The following CLASRP variants were observed in gnomAD, a reference collection of about 807,000 sequenced individuals.
The protein encoded by CLASRP is CLK4-associating serine/arginine rich protein.
Under a neutral mutation model 99.9 loss-of-function variants are expected in CLASRP, and 52 were observed. That is an observed-to-expected ratio of 0.52 (90% confidence interval 0.42 to 0.66). The LOEUF (loss-of-function observed/expected upper bound fraction) is 0.66. CLASRP is among the 30% of genes least tolerant of loss of function. CLASRP has a pLI of 0.00. For synonymous variants in CLASRP, 379 were observed against 373.0 expected (o/e 1.02, Z -0.18); for missense variants, 848 against 999.2 (o/e 0.85, Z 2.04).
chr19:45,054,266 T>C lies in CLASRP; in HGVS notation c.379+1089T>C, dbSNP rs1972080473. 2.0e-5 allele frequency among the ~76,000 whole-genome samples: 3 copies of C among 152,172 alleles called. No individual in the cohort carries two copies. In the South Asian group the frequency reaches 6.2e-4, roughly 31 times the overall value. The stretch of plus-strand genomic sequence containing the variant: ...CCCGTTTTGGGGTTTTTTGTTTTTT[T>C]TGAGATTGAGTCTTACTCTGTTGCC... On this transcript the variant is annotated intron_variant, in intron 5 of 20. Transcript: ENST00000221455.
At chr19:45,054,616 G>A (rs752796664) in intron 5 of CLASRP, among the ~76,000 whole-genome samples, 1 of 152,316 alleles carries the variant, frequency 6.6e-6, no homozygotes, top group Middle Eastern at 3.4e-3. Flanking sequence ...GATTCTCCAC[G>A]TGTCCTTAAC....
intron 2 of CLASRP, among the ~76,000 whole-genome samples, chr19:45,046,497 TC>T (rs1339375691): frequency 6.6e-6 from 1 of 152,170 alleles, no homozygotes; most frequent in African/African-American, 2.4e-5. Context: ...GGTCAGGTGT[TC>T]CCCCTGTGGG....
At chr19:45,041,541 T>C (rs1400633038) in intron 2 of CLASRP, among the ~76,000 whole-genome samples, 2 of 152,228 alleles carry the variant, frequency 1.3e-5, no homozygotes, top group African/African-American at 4.8e-5. Context: ...ATGACATTTA[T>C]ATAGACCTTT....
Position 45,064,567 on chromosome 19 carries a change from A to G in CLASRP, c.1346A>G (p.Asp449Gly). 2 of 1,540,458 alleles carry G rather than the reference A, an allele frequency of 1.3e-6. No homozygotes were observed. The highest frequency in any genetic ancestry group is 2.4e-5 in the East Asian group (1 of 41,024). The change falls in exon 13 of 21, where the codon GAC becomes GGC. Residue 449 changes from aspartate (D) to glycine (G), a missense_variant. Physicochemically the swap from Asp to Gly is moderately conservative, Grantham distance 94 (BLOSUM62 -1). Around this residue, in one of 8 missense-constraint regions of CLASRP, gnomAD observed 489 missense variants for 434.7 expected, o/e 1.12. Transcript: ENST00000221455. Reference protein sequence around the residue: ...GRRHSGGGSRDGHRYSRSPAR... With the variant: ...GRRHSGGGSRGGHRYSRSPAR... ...CGGCACTCAGGTGGGGGCTCCCGAG[A>G]CGGACACCGGTACTCCCGCTCGCCC...
intron 13 of CLASRP, 26 bp downstream of exon 13, chr19:45,064,656 G>A (rs1274243401): frequency 6.5e-7 from 1 of 1,527,482 alleles, no homozygotes; most frequent in Non-Finnish European, 8.8e-7. Context: ...CGTGGAGGTG[G>A]GAGGGGCTGG....
At chr19:45,065,382 C>A (rs1232476709) in intron 13 of CLASRP, among the ~76,000 whole-genome samples, 1 of 138,272 alleles carries the variant, frequency 7.2e-6, no homozygotes, top group African/African-American at 2.8e-5. Flanking sequence ...GAGTGAGATT[C>A]CGTCTCAAAA....
chr19:45,068,795 G>A (rs530711106), intron 16 of CLASRP, among the ~76,000 whole-genome samples: 4 of 151,938 alleles, frequency 2.6e-5, no homozygotes, highest in Non-Finnish European at 4.4e-5. Flanking sequence ...TCAGGAGATC[G>A]AGACCATTAA....
intron 2 of CLASRP, among the ~76,000 whole-genome samples, chr19:45,042,970 G>GAAAGTTTCACATA: frequency 6.6e-6 from 1 of 152,110 alleles, no homozygotes; most frequent in Middle Eastern, 3.2e-3. Context: ...ACTATAAGTG[G>GAAAGTTTCACATA]AAAGTTTCAC....
At chr19:45,048,656 G>A (rs1193356101) in intron 2 of CLASRP, among the ~76,000 whole-genome samples, 2 of 151,752 alleles carry the variant, frequency 1.3e-5, no homozygotes, top group Non-Finnish European at 2.9e-5. Flanking sequence ...GGACCCCATG[G>A]CTTTGAGCCT....
intron 11 of CLASRP, 128 bp downstream of exon 11, chr19:45,062,323 C>A (rs947220298): frequency 3.1e-6 from 2 of 653,662 alleles, no homozygotes; most frequent in African/African-American, 1.8e-5. Context: ...ATGATATGTT[C>A]TGGGTCTGAA....
chr19:45,045,415 G>A (rs911106473), intron 2 of CLASRP, among the ~76,000 whole-genome samples: 3 of 152,166 alleles, frequency 2.0e-5, no homozygotes, highest in African/African-American at 7.2e-5. Flanking sequence ...TCCTCAAGAG[G>A]CTGAGGTGGG....
rs1170712519 is a variant in CLASRP at position 45,067,061 on chromosome 19, C to T, written c.1410-276C>T. Among the ~76,000 whole-genome samples, 2 of 152,108 alleles carry T rather than the reference C, an allele frequency of 1.3e-5. No homozygotes were observed. Among genetic ancestry groups the T allele is most frequent in the East Asian group, 1.9e-4 (1 of 5,176 alleles). ...GCTCACCTCCCGGGAAGTTAGCAAG[C>T]GGGTGTCTAGTGAGGGAGAGGTGAC... On this transcript the variant is annotated intron_variant, in intron 13 of 20. Transcript: ENST00000221455. This position sits in a 1 kb window ranked among gnomAD's most constrained non-coding sequence, Gnocchi z 4.9.
chr19:45,056,818 A>C (rs1568416332), intron 6 of CLASRP, among the ~76,000 whole-genome samples: 1 of 152,116 alleles, frequency 6.6e-6, no homozygotes, highest in East Asian at 1.9e-4. Context: ...TGAGGCCCTG[A>C]GTGGGAATTG....
At chr19:45,047,428 AAAAC>A (rs1391646397) in intron 2 of CLASRP, 2 of 151,524 alleles carry the variant, frequency 1.3e-5, no homozygotes, top group East Asian at 1.9e-4. Flanking sequence ...AAAAAAAAAA[AAAAC>A]AGAGAGAGAG....
intron 1 of CLASRP, among the ~76,000 whole-genome samples, chr19:45,039,337 A>C (rs1600088839): frequency 6.8e-6 from 1 of 147,782 alleles, no homozygotes; most frequent in Non-Finnish European, 1.5e-5. Context: ...GCAGCTTATC[A>C]CAGGCCCCGC....
chr19:45,046,756 G>A (rs1002590321), intron 2 of CLASRP, among the ~76,000 whole-genome samples: 6 of 152,316 alleles, frequency 3.9e-5, no homozygotes, highest in East Asian at 1.9e-4. Context: ...GGCCGGGCGC[G>A]GTAGCTCACG....
intron 4 of CLASRP, 50 bp from the exon 5 acceptor site, chr19:45,053,048 G>C (rs753379348): frequency 1.6e-5 from 25 of 1,604,946 alleles, no homozygotes; most frequent in East Asian, 4.5e-5. Flanking sequence ...CTGGCTTGGG[G>C]GGGGATCCAC....
Position 45,070,043 on chromosome 19 carries a change from G to A in CLASRP, c.1896G>A (p.Lys632=). The part of the protein sequence containing the change: ...IRMKERERRE[K]EREEWERQYS... ...GCAGGGAGCGGGAACGCCGAGAGAA[G>A]GAGAGAGAAGAGTGGGAACGCCAGT... The change falls in exon 19 of 21, where the codon AAG becomes AAA. Residue 632 remains lysine, a synonymous_variant. Coordinates refer to ENST00000221455, the MANE Select transcript of CLASRP (RefSeq NM_007056.3). 1 of 1,607,474 alleles carries A rather than the reference G, an allele frequency of 6.2e-7. No individual in the cohort carries two copies. The highest frequency in any genetic ancestry group is 1.1e-5 in the South Asian group (1 of 90,956).
intron 16 of CLASRP, among the ~76,000 whole-genome samples, chr19:45,068,783 G>A (rs1967159065): frequency 6.6e-6 from 1 of 152,160 alleles, no homozygotes; most frequent in African/African-American, 2.4e-5. Context: ...CGGATCACGA[G>A]GTCAGGAGAT....
Sources: gnomAD v4.1 joint callset for allele counts (sites outside exome capture counted in the v4.1 genomes callset) on GRCh38, gnomAD v4.1.1 for gene constraint, gnomAD v4.1.1 regional missense constraint, Gnocchi (gnomAD v3.1) non-coding constraint, MANE v1.5 for transcripts, NCBI Gene and HGNC (gene_info 2026-07-23, HGNC 2026-07-21) for gene names.